Variants in GOLGA8B observed in about 807,000 individuals in gnomAD.
GOLGA8B encodes golgin subfamily A member 8B.
GOLGA8B carries 1 observed loss-of-function variant against 15.6 expected under a neutral mutation model. The ratio of observed to expected loss-of-function variants is 0.06; its 90% CI spans 0.02 to 0.30. GOLGA8B has a LOEUF of 0.30. Among genes scored for constraint, GOLGA8B ranks in the 10% least tolerant of loss-of-function variants. The pLI is 1.00. For synonymous variants in GOLGA8B, 9 were observed against 80.3 expected, an observed-to-expected ratio of 0.11 and a Z score of 4.75; for missense variants, 17 against 201.3, an observed-to-expected ratio of 0.08 and a Z score of 5.54.
chr15:34,578,527 A>T (rs555750324), intron 1 of GOLGA8B, among the ~76,000 whole-genome samples: 11 of 152,346 alleles, frequency 7.2e-5, no homozygotes, highest in Non-Finnish European at 1.3e-4. Context: ...TCAGGCTCAA[A>T]GGCCAGCACT....
rs1157306956 is a variant in GOLGA8B, at chr15:34,525,723, T to C, written c.*1909A>G. 1 of 149,846 alleles carries C rather than the reference T, an allele frequency of 6.7e-6. No homozygotes were observed. Among genetic ancestry groups the C allele is most frequent in the East Asian group, 2.0e-4 (1 of 5,126 alleles). 9.3% of individuals were successfully genotyped at this position (149,846 alleles called of 1,614,324 possible). On this transcript the variant is annotated 3_prime_UTR_variant, in exon 24 of 24. Transcript: ENST00000683415. ...CTAATACATTGATAAATTCATACAA[T>C]TCGGAAGAGTCAGTTGAAGTCACAA...
chr15:34,579,109 GAGAA>G (rs1267233460), intron 1 of GOLGA8B, among the ~76,000 whole-genome samples: 11 of 152,030 alleles, frequency 7.2e-5, no homozygotes, highest in African/African-American at 2.7e-4. Flanking sequence ...TGCAGATGCT[GAGAA>G]AGACTCTCAA....
At chr15:34,580,749 C>A (rs1458346107) in intron 1 of GOLGA8B, among the ~76,000 whole-genome samples, 2 of 152,068 alleles carry the variant, frequency 1.3e-5, no homozygotes, top group Non-Finnish European at 2.9e-5. Context: ...CTCAGGCCAA[C>A]CACCATCCAA....
At chr15:34,557,439 A>ATTTTAATT (rs1888520211) in intron 1 of GOLGA8B, among the ~76,000 whole-genome samples, 1 of 46,624 alleles carries the variant, frequency 2.1e-5, no homozygotes, top group Non-Finnish European at 4.6e-5. Flanking sequence ...GCATAACTGT[A>ATTTTAATT]TTTTAATTAT....
intron 1 of GOLGA8B, among the ~76,000 whole-genome samples, chr15:34,577,195 T>C (rs928713644): frequency 2.0e-5 from 3 of 152,022 alleles, no homozygotes; most frequent in African/African-American, 7.2e-5. Flanking sequence ...GCTCACTTAT[T>C]ACACCAAAAG....
chr15:34,564,362 A>T (rs1888701519), intron 1 of GOLGA8B, among the ~76,000 whole-genome samples: 3 of 151,484 alleles, frequency 2.0e-5, no homozygotes, highest in East Asian at 3.9e-4. Flanking sequence ...TCTTAAAAAA[A>T]AAAAAAAAAA....
chr15:34,563,617 T>A (rs1178687904), intron 1 of GOLGA8B, among the ~76,000 whole-genome samples: 1 of 151,810 alleles, frequency 6.6e-6, no homozygotes, highest in Non-Finnish European at 1.5e-5. Flanking sequence ...GTAATTCCCA[T>A]GGAGCCTCAG....
chr15:34,579,034 C>A (rs1889158915), intron 1 of GOLGA8B, among the ~76,000 whole-genome samples: 1 of 152,056 alleles, frequency 6.6e-6, no homozygotes, highest in Admixed American at 6.5e-5. Context: ...TATCTCGCAT[C>A]AGTTCAATAT....
chr15:34,574,981 T>G (rs567387670), intron 1 of GOLGA8B: 2 of 151,322 alleles, frequency 1.3e-5, no homozygotes, highest in African/African-American at 4.9e-5. Context: ...AGGAGGCACC[T>G]GAATGTCTCC....
At chr15:34,583,086 G>A (rs62004937) in intron 1 of GOLGA8B, among the ~76,000 whole-genome samples, 55,375 of 151,944 alleles carry the variant, frequency 0.36, 10,528 homozygotes, top group Admixed American at 0.45. Context: ...AAACTCAGTA[G>A]TTGCCGCCCA....
intron 1 of GOLGA8B, among the ~76,000 whole-genome samples, chr15:34,569,888 C>G (rs1888862652): frequency 6.6e-6 from 1 of 152,034 alleles, no homozygotes; most frequent in Non-Finnish European, 1.5e-5. Context: ...CTGAGCTTCA[C>G]AGATTCCAGG....
intron 1 of GOLGA8B, among the ~76,000 whole-genome samples, chr15:34,554,433 CCACA>C (rs1888437240): frequency 7.0e-6 from 1 of 142,444 alleles, no homozygotes; most frequent in East Asian, 2.2e-4. Flanking sequence ...CACACACCAA[CCACA>C]CACATTACAC....
rs1159554993 is a variant in GOLGA8B, at chr15:34,570,840, C to G, written c.-1123+12676G>C. On this transcript the variant is annotated intron_variant, in intron 1 of 23. Transcript: ENST00000683415. ...AACAGCAGCAGAAGTGAGAGACGCA[C>G]AAACATGCATGAATAAAGCAATGAA... is the stretch of plus-strand genomic sequence containing the variant. 9.4e-3 allele frequency among the ~76,000 whole-genome samples: 882 copies of G among 93,732 alleles called. 10 individuals are homozygous for G. Among genetic ancestry groups the G allele is most frequent in the African/African-American group, 0.022 (524 of 23,832 alleles). The allele number at this position is 93,732 out of a possible 152,430, so 61.5% of individuals were successfully genotyped here.
Position 34,578,396 on chromosome 15 carries a change from T to C in GOLGA8B, c.-1123+5120A>G, listed in dbSNP as rs57946811. Among the ~76,000 whole-genome samples the C allele has an allele frequency of 5.7e-3, 869 of 152,290 alleles. 8 individuals carry two copies. The highest frequency in any genetic ancestry group is 0.02 in the African/African-American group (848 of 41,558). The stretch of plus-strand genomic sequence containing the variant: ...TCAGCACGTGTTGAAAATTAGCCCC[T>C]GTACTTGCCCACCAATGGTCATAAG... On this transcript the variant is annotated intron_variant, in intron 1 of 23. Transcript: ENST00000683415.
chr15:34,579,079 A>G (rs190770430), intron 1 of GOLGA8B, among the ~76,000 whole-genome samples: 1 of 152,134 alleles, frequency 6.6e-6, no homozygotes, highest in East Asian at 1.9e-4. Flanking sequence ...AACCACAGGC[A>G]AGAGGCCTCA....
At chr15:34,580,584 A>T (rs1394731952) in intron 1 of GOLGA8B, among the ~76,000 whole-genome samples, 3 of 152,088 alleles carry the variant, frequency 2.0e-5, no homozygotes, top group Non-Finnish European at 4.4e-5. Flanking sequence ...TGGCTTCAGG[A>T]GAGGCGAGAA....
In GOLGA8B at chr15:34,526,350, T is replaced by C. The variant is rs1481011449; in HGVS notation, c.*1282A>G. On this transcript the variant is annotated 3_prime_UTR_variant, in exon 24 of 24. Coordinates refer to ENST00000683415, the MANE Select transcript of GOLGA8B (RefSeq NM_001023567.5). ...TTCAACTAAGTACTCTCACATATAT[T>C]AGTTTATAATAATGTTTGTTATTAT... The C allele has an allele frequency of 6.7e-6, 1 of 149,576 alleles. No homozygotes were observed. Among genetic ancestry groups the C allele is most frequent in the Non-Finnish European group, 1.5e-5 (1 of 67,290 alleles). 9.3% of individuals were successfully genotyped at this position (149,576 alleles called of 1,614,324 possible). A position where few individuals can be genotyped will look rare whatever the true frequency, so the allele number is the denominator to read the frequency against.
intron 1 of GOLGA8B, among the ~76,000 whole-genome samples, chr15:34,565,146 T>C: frequency 7.4e-6 from 1 of 135,200 alleles, no homozygotes; most frequent in East Asian, 2.0e-4. Context: ...TTTTTTTTTT[T>C]TTTTTTGAGA....
At chr15:34,560,914 T>C (rs1172615570) in intron 1 of GOLGA8B, among the ~76,000 whole-genome samples, 3 of 128,938 alleles carry the variant, frequency 2.3e-5, no homozygotes, top group Non-Finnish European at 4.9e-5. Context: ...AGCAATGGTA[T>C]TAGAAAGGGT....
Sources: allele counts gnomAD v4.1 joint callset (sites outside exome capture counted in the v4.1 genomes callset), GRCh38; gene constraint gnomAD v4.1.1; transcripts MANE v1.5; gene names NCBI Gene and HGNC (gene_info 2026-07-23, HGNC 2026-07-21).